The following PLCB1 variants were observed in gnomAD, a reference collection of about 807,000 sequenced individuals.
PLCB1 encodes the protein phospholipase C beta 1.
A neutral mutation model predicts 161.8 loss-of-function variants in PLCB1; 46 were observed. That is an observed-to-expected ratio of 0.28 (90% CI 0.22 to 0.36). The LOEUF is 0.36. Ranked by LOEUF, PLCB1 falls within the 10% of genes least tolerant of loss-of-function variation. PLCB1 has a pLI of 1.00. For missense variants in PLCB1, 1,016 were observed against 1,472.5 expected (o/e 0.69, Z 5.07); for synonymous variants, 517 against 503.7 (o/e 1.03, Z -0.35).
intron 3 of PLCB1, among the ~76,000 whole-genome samples, chr20:8,444,209 G>A (rs1246164470): frequency 6.6e-6 from 1 of 151,500 alleles, no homozygotes; most frequent in Non-Finnish European, 1.5e-5. Flanking sequence ...CACATGACAG[G>A]CCGCGGTGTG....
chr20:8,335,978 G>A (rs1278255465), intron 2 of PLCB1, among the ~76,000 whole-genome samples: 1 of 152,192 alleles, frequency 6.6e-6, no homozygotes, highest in Non-Finnish European at 1.5e-5. Context: ...TCACAGCAGG[G>A]AGGGATTCAG....
intron 3 of PLCB1, among the ~76,000 whole-genome samples, chr20:8,384,851 C>G (rs1015944678): frequency 6.6e-6 from 1 of 152,082 alleles, no homozygotes; most frequent in African/African-American, 2.4e-5. Flanking sequence ...GCTCTCGCAC[C>G]AGGAGATGTC....
intron 2 of PLCB1, among the ~76,000 whole-genome samples, chr20:8,238,943 A>G (rs534164908): frequency 1.3e-5 from 2 of 151,910 alleles, no homozygotes; most frequent in East Asian, 3.9e-4. Context: ...TTAAGAGTGT[A>G]GCATCATTGG....
intron 27 of PLCB1, among the ~76,000 whole-genome samples, chr20:8,782,229 A>G (rs1983277625): frequency 6.6e-6 from 1 of 152,224 alleles, no homozygotes; most frequent in Non-Finnish European, 1.5e-5. Flanking sequence ...AAGAGAAGGG[A>G]GCTAGTAGAG....
At chr20:8,251,236 C>T (rs1051579318) in intron 2 of PLCB1, among the ~76,000 whole-genome samples, 26 of 151,938 alleles carry the variant, frequency 1.7e-4, no homozygotes, top group African/African-American at 6.3e-4. Context: ...AAGGCCCTAC[C>T]TCTTAATACG....
intron 3 of PLCB1, among the ~76,000 whole-genome samples, chr20:8,459,538 ATAT>A (rs2122680144): frequency 6.6e-6 from 1 of 152,314 alleles, no homozygotes; most frequent in South Asian, 2.1e-4. Flanking sequence ...AGTGTTTCAA[ATAT>A]TATTAAAGAG....
chr20:8,771,693 T>A (rs950644567), intron 26 of PLCB1, among the ~76,000 whole-genome samples: 2 of 152,116 alleles, frequency 1.3e-5, no homozygotes, highest in African/African-American at 4.8e-5. Flanking sequence ...AACCAAAAAA[T>A]CCCTTAGTAC....
intron 26 of PLCB1, among the ~76,000 whole-genome samples, chr20:8,774,028 T>C (rs1198569858): frequency 1.3e-5 from 2 of 148,374 alleles, no homozygotes; most frequent in African/African-American, 5.2e-5. Context: ...CCAGGAGGGT[T>C]ATCTGCACAC....
chr20:8,681,875 A>G (rs1285879283), intron 9 of PLCB1, among the ~76,000 whole-genome samples: 3 of 152,164 alleles, frequency 2.0e-5, no homozygotes, highest in Admixed American at 6.6e-5. Context: ...TTTATTTTCT[A>G]TTTTGAATCC....
chr20:8,514,205 C>T (rs1003576337), intron 3 of PLCB1, among the ~76,000 whole-genome samples: 7 of 151,714 alleles, frequency 4.6e-5, no homozygotes, highest in Non-Finnish European at 7.4e-5. Context: ...TTTGGTAGGC[C>T]GAGGTGGGCA....
intron 3 of PLCB1, among the ~76,000 whole-genome samples, chr20:8,442,476 G>T (rs902423534): frequency 1.3e-5 from 2 of 152,148 alleles, no homozygotes; most frequent in African/African-American, 4.8e-5. Flanking sequence ...AGCTCTTAAA[G>T]GTTCTACCTC....
At chr20:8,252,918 C>G (rs1016453140) in intron 2 of PLCB1, among the ~76,000 whole-genome samples, 2 of 151,890 alleles carry the variant, frequency 1.3e-5, no homozygotes, top group African/African-American at 2.4e-5. Flanking sequence ...ATCTAGGTGA[C>G]CACATGTTCA....
chr20:8,842,194 A>T (rs1986528617), intron 31 of PLCB1, among the ~76,000 whole-genome samples: 1 of 152,248 alleles, frequency 6.6e-6, no homozygotes. Flanking sequence ...GCCCAGGGAT[A>T]AGCAAACAAT....
chr20:8,547,146 C>T (rs1185729406), intron 3 of PLCB1, among the ~76,000 whole-genome samples: 6 of 151,364 alleles, frequency 4.0e-5, no homozygotes, highest in African/African-American at 1.5e-4. Context: ...TTTCCCCAAA[C>T]TTGTAATAAA....
chr20:8,821,555 A>G (rs1454702625), intron 31 of PLCB1, among the ~76,000 whole-genome samples: 1 of 115,120 alleles, frequency 8.7e-6, no homozygotes, highest in African/African-American at 3.2e-5. Context: ...ATATATATAT[A>G]TATTTAAATG....
intron 2 of PLCB1, among the ~76,000 whole-genome samples, chr20:8,252,182 A>G (rs1378523441): frequency 2.0e-5 from 3 of 151,970 alleles, no homozygotes; most frequent in African/African-American, 7.2e-5. Context: ...GTCGAGATCC[A>G]GCCATCCAAA....
In PLCB1 at chr20:8,865,962, G is replaced by A. The variant is rs139354287; in HGVS notation, c.3424-15660G>A. ...AATGTAGAATTATTCTAAATTGACT[G>A]CTACTCACAAAGACCCTAAAGATAA... On this transcript the variant is annotated intron_variant, in intron 31 of 31. Coordinates refer to ENST00000338037, the MANE Select transcript of PLCB1 (RefSeq NM_015192.4). Among the ~76,000 whole-genome samples, 71 of 152,278 alleles carry A rather than the reference G, an allele frequency of 4.7e-4. No homozygotes were observed. The East Asian group carries it at 0.011, about 23-fold the overall frequency.
chr20:8,232,186 C>T (rs1436487850), intron 2 of PLCB1, among the ~76,000 whole-genome samples: 1 of 151,790 alleles, frequency 6.6e-6, no homozygotes, highest in Middle Eastern at 3.2e-3. Context: ...CTACAGCACT[C>T]CAGCCTGTCC....
rs1983241888 is a variant in PLCB1 at position 8,497,883 on chromosome 20, T to C, written c.246+126433T>C. Among the ~76,000 whole-genome samples, 4 of 152,080 alleles carry C rather than the reference T, an allele frequency of 2.6e-5. No homozygotes were observed. In the South Asian group the frequency reaches 8.3e-4, roughly 31 times the overall value. ...GAAATTTAGCCTATTAATTAGGGAG[T>C]GTTCATTTTTAACCACTATGTTCAT... On this transcript the variant is annotated intron_variant, in intron 3 of 31. Coordinates refer to ENST00000338037, the MANE Select transcript of PLCB1 (RefSeq NM_015192.4).
Sources: allele counts gnomAD v4.1 joint callset (sites outside exome capture counted in the v4.1 genomes callset), GRCh38; gene constraint gnomAD v4.1.1; transcripts MANE v1.5; gene names NCBI Gene and HGNC (gene_info 2026-07-23, HGNC 2026-07-21).